Variants in GALNT2 observed in about 807,000 individuals in gnomAD.
The protein encoded by GALNT2 is UDP-GalNAc:polypeptide N-acetylgalactosaminyltransferase 2.
Under a neutral mutation model 81.4 loss-of-function variants are expected in GALNT2, and 31 were observed. The ratio of observed to expected loss-of-function variants is 0.38; its 90% CI spans 0.29 to 0.51. GALNT2 has a LOEUF of 0.51. Among genes scored for constraint, GALNT2 ranks in the 20% least tolerant of loss-of-function variants. The pLI, the probability that GALNT2 is intolerant of heterozygous loss-of-function variation, is 0.87. For synonymous variants in GALNT2, 303 were observed against 287.4 expected (o/e 1.05, Z -0.55); for missense variants, 629 against 765.7 (o/e 0.82, Z 2.11).
intron 1 of GALNT2, among the ~76,000 whole-genome samples, chr1:230,083,515 A>C (rs1038256103): frequency 1.3e-5 from 2 of 152,174 alleles, no homozygotes; most frequent in African/African-American, 4.8e-5. Context: ...GGGGGGCCCA[A>C]TGATGGAACA....
chr1:230,099,987 C>T (rs897238310), intron 1 of GALNT2, among the ~76,000 whole-genome samples: 1 of 152,202 alleles, frequency 6.6e-6, no homozygotes, highest in East Asian at 1.9e-4. Context: ...TTATTCCCAA[C>T]CAAGACCTAG....
At chr1:230,146,921 C>T (rs1238939516) in intron 1 of GALNT2, among the ~76,000 whole-genome samples, 2 of 152,180 alleles carry the variant, frequency 1.3e-5, no homozygotes, top group Non-Finnish European at 2.9e-5. Context: ...ACCGCCTGCA[C>T]TGTCAGATCT....
In GALNT2 at chr1:230,096,380, G is replaced by T. The variant is rs536182877; in HGVS notation, c.126+28974G>T. Among the ~76,000 whole-genome samples, 6 of 152,238 alleles carry T rather than the reference G, an allele frequency of 3.9e-5. No individual in the cohort carries two copies. In the South Asian group the frequency reaches 1.2e-3, roughly 32 times the overall value. On this transcript the variant is annotated intron_variant, in intron 1 of 15. Transcript: ENST00000366672. ...TGATATATGTTAATATGCATATCTC[G>T]TCAAAGGGAGTCATGGGGGTGGCAT...
intron 6 of GALNT2, among the ~76,000 whole-genome samples, chr1:230,241,784 T>C (rs1665209558): frequency 6.6e-6 from 1 of 152,222 alleles, no homozygotes; most frequent in Non-Finnish European, 1.5e-5. Flanking sequence ...TCTTGATACA[T>C]AGTCTATATT....
chr1:230,255,493 T>A, intron 11 of GALNT2, 149 bp downstream of exon 11: 2 of 1,034,202 alleles, frequency 1.9e-6, no homozygotes, highest in Admixed American at 4.4e-5. Context: ...AAAGGCGCAT[T>A]CCACGGATGC....
At chr1:230,240,721 A>T (rs1481978979) in intron 6 of GALNT2, among the ~76,000 whole-genome samples, 1 of 150,280 alleles carries the variant, frequency 6.7e-6, no homozygotes, top group African/African-American at 2.5e-5. Context: ...CTTTATATTT[A>T]TCCTGCTTCA....
chr1:230,076,367 C>G (rs555110810), intron 1 of GALNT2, among the ~76,000 whole-genome samples: 2 of 152,132 alleles, frequency 1.3e-5, no homozygotes, highest in Admixed American at 1.3e-4. Context: ...TGCTGTTTAA[C>G]GAGAAATCCC....
intron 3 of GALNT2, among the ~76,000 whole-genome samples, chr1:230,235,213 CAAAAAAAAAAAAAAA>C (rs10532058): frequency 1.3e-5 from 1 of 76,732 alleles, no homozygotes; most frequent in African/African-American, 4.9e-5. Context: ...GACCCTGTCT[CAAAAAAAAAAAAAAA>C]AAAAAAAAAG....
intron 6 of GALNT2, among the ~76,000 whole-genome samples, chr1:230,240,406 A>G (rs544777249): frequency 1.4e-4 from 22 of 152,338 alleles, no homozygotes; most frequent in African/African-American, 5.3e-4. Context: ...AGCCTGGCCA[A>G]CATGGTGAAA....
At chr1:230,095,331 G>A (rs1237759610) in intron 1 of GALNT2, among the ~76,000 whole-genome samples, 6 of 152,124 alleles carry the variant, frequency 3.9e-5, no homozygotes, top group African/African-American at 9.7e-5. Flanking sequence ...TCACCTATCC[G>A]TTATAGAAAC....
At chr1:230,250,624 A>G in intron 10 of GALNT2, 64 bp downstream of exon 10, 1 of 1,255,802 alleles carries the variant, frequency 8.0e-7, no homozygotes, top group Non-Finnish European at 1.1e-6. Context: ...GCAGGGTGCC[A>G]ATTGGAAAAA....
intron 11 of GALNT2, chr1:230,258,897 A>G (rs1358925531): frequency 6.6e-6 from 1 of 152,220 alleles, no homozygotes; most frequent in Non-Finnish European, 1.5e-5. Flanking sequence ...ATGTTAAAGT[A>G]CTCAAGACAT....
chr1:230,192,341 A>T (rs1419218417), intron 2 of GALNT2, among the ~76,000 whole-genome samples: 1 of 152,172 alleles, frequency 6.6e-6, no homozygotes, highest in Non-Finnish European at 1.5e-5. Flanking sequence ...CATATTTGAC[A>T]TGGTTATGGT....
intron 12 of GALNT2, 52 bp downstream of exon 12, chr1:230,262,717 G>A (rs1321975882): frequency 1.0e-5 from 15 of 1,462,732 alleles, no homozygotes; most frequent in Non-Finnish European, 1.4e-5. Flanking sequence ...TGGGGTGTGG[G>A]GGTGGGAGGT....
At chr1:230,213,958 A>T (rs530548086) in intron 3 of GALNT2, among the ~76,000 whole-genome samples, 1 of 152,222 alleles carries the variant, frequency 6.6e-6, no homozygotes, top group Admixed American at 6.5e-5. Context: ...CTTTTGATTT[A>T]TTCACATATT....
At chr1:230,263,111 G>T in intron 13 of GALNT2, 106 bp downstream of exon 13, 1 of 883,126 alleles carries the variant, frequency 1.1e-6, no homozygotes. Context: ...GCATGAGATT[G>T]GGCACCTGGG....
intron 1 of GALNT2, among the ~76,000 whole-genome samples, chr1:230,073,062 G>T (rs1659425073): frequency 6.6e-6 from 1 of 152,204 alleles, no homozygotes; most frequent in Non-Finnish European, 1.5e-5. Flanking sequence ...TTTTAAGGAG[G>T]AGGGATGTCT....
At chr1:230,085,404 C>T (rs374486014) in intron 1 of GALNT2, among the ~76,000 whole-genome samples, 4 of 152,256 alleles carry the variant, frequency 2.6e-5, no homozygotes, top group African/African-American at 7.2e-5. Flanking sequence ...AAGGTTGCCC[C>T]GTGGAGGCTG....
rs565398141 is a variant in GALNT2, at chr1:230,271,729, C to T, written c.1441-2716C>T. On this transcript the variant is annotated intron_variant, in intron 14 of 15. Coordinates refer to ENST00000366672, the MANE Select transcript of GALNT2 (RefSeq NM_004481.5). This position sits in a 1 kb window ranked among gnomAD's most constrained non-coding sequence, Gnocchi z 4.2. ...CTGGACGGGAGAGATGCATAGCACG[C>T]GGTGTGGAGGTGGGGTGTTGGAGCT... Among the ~76,000 whole-genome samples, 20 of 152,346 alleles carry T rather than the reference C, an allele frequency of 1.3e-4. No homozygotes were observed. The highest frequency in any genetic ancestry group is 3.9e-4 in the Admixed American group (6 of 15,300).
Sources: allele counts gnomAD v4.1 joint callset (sites outside exome capture counted in the v4.1 genomes callset), GRCh38; gene constraint gnomAD v4.1.1; non-coding constraint Gnocchi (gnomAD v3.1); transcripts MANE v1.5; gene names NCBI Gene and HGNC (gene_info 2026-07-23, HGNC 2026-07-21).